DLG2: variants seen among roughly 807,000 people sequenced by gnomAD.
DLG2 encodes discs large MAGUK scaffold protein 2.
Under a neutral mutation model 132.5 loss-of-function variants are expected in DLG2, and 45 were observed. The observed-to-expected ratio is 0.34, with a 90% CI of 0.27 to 0.44. DLG2 has a LOEUF of 0.44. Among genes scored for constraint, DLG2 ranks in the 20% least tolerant of loss-of-function variants. The pLI, the probability that DLG2 is intolerant of heterozygous loss-of-function variation, is 1.00. For synonymous variants in DLG2, 424 were observed against 419.6 expected (o/e 1.01, Z -0.13); for missense variants, 1,045 against 1,196.9 (o/e 0.87, Z 1.87).
chr11:85,339,809 G>C (rs547899874), intron 3 of DLG2, among the ~76,000 whole-genome samples: 96 of 152,082 alleles, frequency 6.3e-4, no homozygotes, highest in Middle Eastern at 3.4e-3. Flanking sequence ...GCAAACAACC[G>C]CATCAAAAAG....
chr11:84,175,512 C>T (rs988421571), intron 8 of DLG2, among the ~76,000 whole-genome samples: 1 of 152,256 alleles, frequency 6.6e-6, no homozygotes, highest in East Asian at 1.9e-4. Context: ...CTTAATTTCT[C>T]TCTAATCATT....
At chr11:84,684,417 C>T (rs1279894607) in intron 6 of DLG2, among the ~76,000 whole-genome samples, 4 of 152,184 alleles carry the variant, frequency 2.6e-5, no homozygotes, top group Non-Finnish European at 5.9e-5. Context: ...TTCTAAGCCT[C>T]TCCACTCCAT....
chr11:83,913,963 T>C (rs1393415339), intron 15 of DLG2, among the ~76,000 whole-genome samples: 2 of 152,128 alleles, frequency 1.3e-5, no homozygotes, highest in African/African-American at 4.8e-5. Context: ...GGGTAAATAC[T>C]TCAGATGAGC....
intron 3 of DLG2, among the ~76,000 whole-genome samples, chr11:85,414,623 C>T (rs1025999968): frequency 4.6e-5 from 7 of 151,956 alleles, no homozygotes; most frequent in East Asian, 3.9e-4. Flanking sequence ...TTTGTTCCAG[C>T]GTATAGTTTT....
At chr11:85,095,762 C>G (rs572217135) in intron 6 of DLG2, among the ~76,000 whole-genome samples, 4 of 152,224 alleles carry the variant, frequency 2.6e-5, no homozygotes, top group African/African-American at 9.6e-5. Context: ...CACACAGTTT[C>G]ATGCACACCA....
At chr11:85,572,406 C>T (rs2077895566) in intron 3 of DLG2, among the ~76,000 whole-genome samples, 1 of 152,058 alleles carries the variant, frequency 6.6e-6, no homozygotes, top group South Asian at 2.1e-4. Flanking sequence ...TGGATGTATG[C>T]CAGACACACA....
At chr11:84,930,333 C>A (rs1484986981) in intron 6 of DLG2, among the ~76,000 whole-genome samples, 1 of 152,110 alleles carries the variant, frequency 6.6e-6, no homozygotes, top group East Asian at 1.9e-4. Flanking sequence ...TAAAGGACAA[C>A]TATGAGCTGG....
chr11:85,256,441 C>A (rs75458127), intron 4 of DLG2, among the ~76,000 whole-genome samples: 1 of 152,314 alleles, frequency 6.6e-6, no homozygotes, highest in East Asian at 1.9e-4. Context: ...TTACCTGATT[C>A]TTCCTTGATG....
chr11:84,411,601 G>A (rs1410916203), intron 7 of DLG2, among the ~76,000 whole-genome samples: 1 of 151,820 alleles, frequency 6.6e-6, no homozygotes, highest in Non-Finnish European at 1.5e-5. Context: ...GATTAACGTA[G>A]GAGAAATAAG....
chr11:84,035,519 G>C (rs2095840988), intron 11 of DLG2, among the ~76,000 whole-genome samples: 1 of 152,166 alleles, frequency 6.6e-6, no homozygotes, highest in Admixed American at 6.6e-5. Context: ...TTAGAACTTT[G>C]AAACAGTTGT....
At chr11:83,637,354 A>C (rs901372021) in intron 18 of DLG2, among the ~76,000 whole-genome samples, 3 of 152,168 alleles carry the variant, frequency 2.0e-5, no homozygotes, top group Non-Finnish European at 4.4e-5. Flanking sequence ...CAAATGCTTC[A>C]ATTTTTATAT....
chr11:85,538,782 C>G (rs530368974), intron 3 of DLG2, among the ~76,000 whole-genome samples: 1 of 151,670 alleles, frequency 6.6e-6, no homozygotes. Context: ...TAAATGGGAG[C>G]TGAACAGTGA....
At chr11:85,514,980 A>G (rs1187376063) in intron 3 of DLG2, among the ~76,000 whole-genome samples, 2 of 151,966 alleles carry the variant, frequency 1.3e-5, no homozygotes, top group Non-Finnish European at 2.9e-5. Flanking sequence ...CTGGGAGCTA[A>G]GGTAAAAATT....
chr11:84,730,348 C>A lies in DLG2; in HGVS notation c.358-195617G>T, dbSNP rs192936447. Among the ~76,000 whole-genome samples the A allele has an allele frequency of 1.1e-4, 17 of 152,098 alleles. No homozygotes were observed. In the East Asian group the frequency reaches 3.1e-3, roughly 28 times the overall value. On this transcript the variant is annotated intron_variant, in intron 6 of 27. Coordinates refer to ENST00000376104, the MANE Select transcript of DLG2 (RefSeq NM_001142699.3). ...ACTAAAATGCCACATGTAAAAGTACCTATCAAAATGCTTGGCACATACTAT... is the reference window on the plus strand; with the variant it reads ...ACTAAAATGCCACATGTAAAAGTACATATCAAAATGCTTGGCACATACTAT...
At chr11:84,072,077 G>A (rs10792713) in intron 10 of DLG2, among the ~76,000 whole-genome samples, 127,179 of 152,190 alleles carry the variant, frequency 0.84, 53,749 homozygotes, top group Middle Eastern at 0.93. Flanking sequence ...TGCACATAAA[G>A]GCTTCTTATG....
At chr11:84,372,884 G>C (rs2098711787) in intron 7 of DLG2, among the ~76,000 whole-genome samples, 1 of 152,136 alleles carries the variant, frequency 6.6e-6, no homozygotes, top group Admixed American at 6.6e-5. Flanking sequence ...TGGTAGCACT[G>C]AGACATTCAC....
rs2099512487 is a variant in DLG2 at position 84,579,931 on chromosome 11, C to G, written c.358-45200G>C. Among the ~76,000 whole-genome samples the G allele has an allele frequency of 2.0e-5, 3 of 152,058 alleles. 1 individual carries two copies. In the South Asian group the frequency reaches 6.2e-4, roughly 32 times the overall value. ...GAGAATGAGATGTCTGGGATAACTC[C>G]CAAACTTCTGGTTGGAGCAGCTGAG... On this transcript the variant is annotated intron_variant, in intron 6 of 27. Transcript: ENST00000376104.
intron 7 of DLG2, among the ~76,000 whole-genome samples, chr11:84,326,663 T>G (rs1034349583): frequency 1.3e-5 from 2 of 152,192 alleles, no homozygotes; most frequent in African/African-American, 4.8e-5. Flanking sequence ...TGGAAAATGT[T>G]CCATGTGCGC....
At chr11:84,165,598 C>A (rs1318280675) in intron 8 of DLG2, among the ~76,000 whole-genome samples, 1 of 152,122 alleles carries the variant, frequency 6.6e-6, no homozygotes, top group Non-Finnish European at 1.5e-5. Context: ...TGCAATGTAA[C>A]TTTGCTTTTA....
Sources: allele counts gnomAD v4.1 joint callset (sites outside exome capture counted in the v4.1 genomes callset), GRCh38; gene constraint gnomAD v4.1.1; transcripts MANE v1.5; gene names NCBI Gene and HGNC (gene_info 2026-07-23, HGNC 2026-07-21).